Variants in STPG2 observed in about 807,000 individuals in gnomAD.
STPG2 encodes sperm tail PG-rich repeat containing 2.
In STPG2, 56 loss-of-function variants were observed where a neutral mutation model predicts 54.2. That is an observed-to-expected ratio of 1.03 (90% CI 0.83 to 1.29). The LOEUF (loss-of-function observed/expected upper bound fraction) is 1.29, where lower values mean the gene tolerates loss of function less well. STPG2 is among the 50% of genes most tolerant of loss of function. The probability of loss-of-function intolerance (pLI) is 0.00; values close to 1 mark genes in which losing one functional copy is unlikely to be tolerated. For missense variants in STPG2, 596 were observed against 544.9 expected, an observed-to-expected ratio of 1.09 and a Z score of -0.93; for synonymous variants, 200 against 181.8, an observed-to-expected ratio of 1.10 and a Z score of -0.81.
intron 9 of STPG2, among the ~76,000 whole-genome samples, chr4:97,792,419 C>A (rs1362763576): frequency 6.6e-6 from 1 of 152,128 alleles, no homozygotes; most frequent in East Asian, 1.9e-4. Context: ...CCGTGCTTTA[C>A]CTTTCAAAAA....
At chr4:97,583,457 T>C (rs1241301459) in intron 10 of STPG2, among the ~76,000 whole-genome samples, 1 of 151,986 alleles carries the variant, frequency 6.6e-6, no homozygotes, top group Non-Finnish European at 1.5e-5. Context: ...TTTACAAATT[T>C]GGAAAATATA....
intron 9 of STPG2, among the ~76,000 whole-genome samples, chr4:97,822,072 A>G (rs1324791668): frequency 6.6e-6 from 1 of 152,104 alleles, no homozygotes; most frequent in Non-Finnish European, 1.5e-5. Flanking sequence ...AATTTTCCAA[A>G]CTTTTATGCT....
intron 8 of STPG2, among the ~76,000 whole-genome samples, chr4:97,867,030 A>G (rs2149148965): frequency 6.6e-6 from 1 of 152,084 alleles, no homozygotes; most frequent in African/African-American, 2.4e-5. Flanking sequence ...AGGAGCAGCA[A>G]GCAGTTCCCA....
At chr4:97,751,183 C>A (rs1344869754) in intron 9 of STPG2, among the ~76,000 whole-genome samples, 1 of 151,872 alleles carries the variant, frequency 6.6e-6, no homozygotes. Context: ...ATTAGTACAT[C>A]TAGGAAACTC....
At chr4:97,566,232 C>G in intron 10 of STPG2, among the ~76,000 whole-genome samples, 1 of 152,190 alleles carries the variant, frequency 6.6e-6, no homozygotes, top group Admixed American at 6.5e-5. Context: ...GCATAGGACC[C>G]TCCGAGCCTG....
At chr4:97,938,465 G>A (rs1732844284) in intron 8 of STPG2, among the ~76,000 whole-genome samples, 1 of 12,538 alleles carries the variant, frequency 8.0e-5, no homozygotes, top group African/African-American at 2.6e-4. Context: ...AAGTCAGAAG[G>A]CTTAGACAGC....
At chr4:97,796,638 G>A (rs1727192169) in intron 9 of STPG2, among the ~76,000 whole-genome samples, 1 of 152,156 alleles carries the variant, frequency 6.6e-6, no homozygotes, top group East Asian at 1.9e-4. Context: ...GTAGCATGAT[G>A]CCTCCAGCTT....
intron 5 of STPG2, among the ~76,000 whole-genome samples, chr4:98,058,171 C>T (rs1593572): frequency 0.39 from 59,968 of 151,966 alleles, 12,066 homozygotes; most frequent in Middle Eastern, 0.46. Context: ...TCAAAATAAT[C>T]GGCTAACATC....
chr4:97,720,045 C>T (rs1370612124), intron 9 of STPG2, among the ~76,000 whole-genome samples: 1 of 151,896 alleles, frequency 6.6e-6, no homozygotes. Context: ...GGATGTCATA[C>T]TATTTTAATC....
chr4:98,008,239 A>T (rs1423656030), intron 5 of STPG2, among the ~76,000 whole-genome samples: 1 of 152,124 alleles, frequency 6.6e-6, no homozygotes, highest in Admixed American at 6.6e-5. Context: ...AACTAACAGC[A>T]GACTTCTCAG....
chr4:97,992,080 C>T (rs1399677379), intron 5 of STPG2, among the ~76,000 whole-genome samples: 5 of 141,140 alleles, frequency 3.5e-5, no homozygotes, highest in South Asian at 2.4e-4. Flanking sequence ...TTACTTTTCC[C>T]GTGCAGAAGC....
chr4:97,919,736 G>T (rs1033828177), intron 8 of STPG2, among the ~76,000 whole-genome samples: 4 of 152,004 alleles, frequency 2.6e-5, no homozygotes, highest in Non-Finnish European at 5.9e-5. Context: ...AAATATTTAA[G>T]AAAGAATAAC....
intron 6 of STPG2, among the ~76,000 whole-genome samples, chr4:97,972,697 G>C (rs1295369743): frequency 6.6e-6 from 1 of 152,110 alleles, no homozygotes; most frequent in African/African-American, 2.4e-5. Flanking sequence ...TCCATGGGAG[G>C]AACTGTCATA....
At chr4:97,943,192 C>T (rs1733057636) in intron 8 of STPG2, among the ~76,000 whole-genome samples, 1 of 152,072 alleles carries the variant, frequency 6.6e-6, no homozygotes, top group Admixed American at 6.6e-5. Flanking sequence ...AGGTCTCCAC[C>T]CTCATGACAT....
chr4:97,744,103 C>T (rs987564033), intron 9 of STPG2, among the ~76,000 whole-genome samples: 2 of 151,428 alleles, frequency 1.3e-5, no homozygotes, highest in Admixed American at 1.3e-4. Context: ...TAGGGAATGG[C>T]ATGATCAGAG....
intron 6 of STPG2, 72 bp downstream of exon 6, chr4:97,981,087 T>C: frequency 6.7e-7 from 1 of 1,493,890 alleles, no homozygotes; most frequent in Non-Finnish European, 9.1e-7. Flanking sequence ...CTCTCTGGTG[T>C]ATCCATCTTG....
intron 9 of STPG2, among the ~76,000 whole-genome samples, chr4:97,786,992 C>T (rs1726847526): frequency 6.6e-6 from 1 of 152,070 alleles, no homozygotes; most frequent in African/African-American, 2.4e-5. Context: ...TTTCAGGCAT[C>T]CACTGGAGGT....
At chr4:97,905,290 G>C (rs1444507272) in intron 8 of STPG2, among the ~76,000 whole-genome samples, 3 of 152,206 alleles carry the variant, frequency 2.0e-5, no homozygotes, top group Non-Finnish European at 4.4e-5. Context: ...GAAGACAGTG[G>C]GGGCCAATAT....
At chr4:97,720,064 A>G (rs768591825) in intron 9 of STPG2, among the ~76,000 whole-genome samples, 1 of 151,918 alleles carries the variant, frequency 6.6e-6, no homozygotes, top group African/African-American at 2.4e-5. Context: ...TCTTGGACCA[A>G]ATTGGCAAAC....
Sources: gnomAD v4.1 joint callset for allele counts (sites outside exome capture counted in the v4.1 genomes callset) on GRCh38, gnomAD v4.1.1 for gene constraint, MANE v1.5 for transcripts, NCBI Gene and HGNC (gene_info 2026-07-23, HGNC 2026-07-21) for gene names.